Variants in NDUFS4 observed in about 807,000 individuals in gnomAD.
NDUFS4 encodes NADH:ubiquinone oxidoreductase subunit S4.
In NDUFS4, 28 loss-of-function variants were observed where a neutral mutation model predicts 24.3. The observed-to-expected ratio is 1.15, with a 90% CI of 0.85 to 1.58. The LOEUF (loss-of-function observed/expected upper bound fraction) is 1.58, where lower values mean the gene tolerates loss of function less well. NDUFS4 is among the 40% of genes most tolerant of loss of function. The probability of loss-of-function intolerance (pLI) is 0.00; values close to 1 mark genes in which losing one functional copy is unlikely to be tolerated. For synonymous variants in NDUFS4, 93 were observed against 69.7 expected, an observed-to-expected ratio of 1.34 and a Z score of -1.67; for missense variants, 223 against 207.9, an observed-to-expected ratio of 1.07 and a Z score of -0.45.
chr5:53,585,548 C>A (rs534638956), intron 1 of NDUFS4, among the ~76,000 whole-genome samples: 1 of 152,100 alleles, frequency 6.6e-6, no homozygotes, highest in South Asian at 2.1e-4. Flanking sequence ...GAGTTCGAGA[C>A]CAGCCTCAAC....
chr5:53,661,109 T>C (rs1486957519), intron 4 of NDUFS4, among the ~76,000 whole-genome samples: 6 of 152,244 alleles, frequency 3.9e-5, no homozygotes, highest in Non-Finnish European at 1.5e-5. Context: ...GCCTAGGTTT[T>C]CTTCTAGGGT....
At chr5:53,628,724 T>C (rs896664692) in intron 2 of NDUFS4, among the ~76,000 whole-genome samples, 20 of 152,230 alleles carry the variant, frequency 1.3e-4, no homozygotes, top group African/African-American at 4.3e-4. Flanking sequence ...AGTGGTGATA[T>C]CCACTTTATT....
intron 4 of NDUFS4, among the ~76,000 whole-genome samples, chr5:53,681,418 ATCAC>A: frequency 6.6e-6 from 1 of 152,290 alleles, no homozygotes; most frequent in South Asian, 2.1e-4. Flanking sequence ...TACATGAATT[ATCAC>A]ATCCTTATGA....
intron 2 of NDUFS4, among the ~76,000 whole-genome samples, chr5:53,623,289 A>G (rs1449894192): frequency 1.6e-3 from 243 of 152,158 alleles, no homozygotes; most frequent in African/African-American, 5.3e-3. Flanking sequence ...GTTATTTTCC[A>G]TTTTCATTAT....
intron 2 of NDUFS4, among the ~76,000 whole-genome samples, chr5:53,629,005 TGTG>T (rs1375086404): frequency 6.6e-6 from 1 of 152,190 alleles, no homozygotes; most frequent in Non-Finnish European, 1.5e-5. Flanking sequence ...TGCTTTCTCT[TGTG>T]GGCATTTAGT....
At chr5:53,607,873 G>A (rs1316935232) in intron 2 of NDUFS4, among the ~76,000 whole-genome samples, 1 of 152,140 alleles carries the variant, frequency 6.6e-6, no homozygotes, top group East Asian at 1.9e-4. Flanking sequence ...TCAAACGAGT[G>A]CCAAAATGCA....
intron 2 of NDUFS4, among the ~76,000 whole-genome samples, chr5:53,624,452 G>C (rs1338433641): frequency 6.6e-6 from 1 of 152,184 alleles, no homozygotes; most frequent in African/African-American, 2.4e-5. Flanking sequence ...TAACAATACT[G>C]ATGTTTCCAG....
intron 4 of NDUFS4, 77 bp downstream of exon 4, chr5:53,658,701 A>C (rs1752234148): frequency 7.6e-7 from 1 of 1,314,838 alleles, no homozygotes. Flanking sequence ...AATTAAGTAT[A>C]CAGAATTTGA....
intron 4 of NDUFS4, among the ~76,000 whole-genome samples, chr5:53,678,206 A>G (rs1179948087): frequency 6.6e-6 from 1 of 152,210 alleles, no homozygotes; most frequent in Non-Finnish European, 1.5e-5. Flanking sequence ...TATTTCAGAA[A>G]AAGAAATTGG....
intron 4 of NDUFS4, among the ~76,000 whole-genome samples, chr5:53,663,917 C>T (rs1752426353): frequency 6.6e-6 from 1 of 152,196 alleles, no homozygotes; most frequent in Non-Finnish European, 1.5e-5. Flanking sequence ...GATGCAGTTT[C>T]TTCTTAGCCT....
At chr5:53,645,271 GGA>G (rs533703739) in intron 2 of NDUFS4, among the ~76,000 whole-genome samples, 1 of 152,188 alleles carries the variant, frequency 6.6e-6, no homozygotes, top group South Asian at 2.1e-4. Context: ...ATTACTAAAT[GGA>G]GATTTAACCC....
At chr5:53,603,810 T>C (rs1226616347) in intron 2 of NDUFS4, among the ~76,000 whole-genome samples, 1 of 152,178 alleles carries the variant, frequency 6.6e-6, no homozygotes, top group Non-Finnish European at 1.5e-5. Context: ...TTACTTTTTG[T>C]AATGAATGTT....
chr5:53,618,334 C>CT (rs929247446), intron 2 of NDUFS4, among the ~76,000 whole-genome samples: 43 of 151,998 alleles, frequency 2.8e-4, no homozygotes, highest in Non-Finnish European at 4.6e-4. Flanking sequence ...GTTTTTCTTC[C>CT]TTTTTTTGCT....
At chr5:53,662,467 G>C (rs1752372881) in intron 4 of NDUFS4, among the ~76,000 whole-genome samples, 1 of 151,864 alleles carries the variant, frequency 6.6e-6, no homozygotes, top group African/African-American at 2.4e-5. Context: ...TTTTTTTGTT[G>C]TGTCTCTGCC....
chr5:53,603,362 A>G (rs1234311182), intron 1 of NDUFS4, 90 bp from the exon 2 acceptor site: 5 of 807,708 alleles, frequency 6.2e-6, no homozygotes, highest in Non-Finnish European at 1.0e-5. Flanking sequence ...AATAAGACAG[A>G]TATTGTTAAA....
chr5:53,662,065 G>A (rs976887998), intron 4 of NDUFS4, among the ~76,000 whole-genome samples: 4 of 152,130 alleles, frequency 2.6e-5, no homozygotes, highest in Non-Finnish European at 5.9e-5. Context: ...GGGCATCCCT[G>A]TCTTGTGCCA....
chr5:53,681,478 C>CA (rs1238932722), intron 4 of NDUFS4, among the ~76,000 whole-genome samples: 1 of 152,060 alleles, frequency 6.6e-6, no homozygotes, highest in Non-Finnish European at 1.5e-5. Context: ...TTATGAAAGA[C>CA]AAAGTTTTCT....
At chr5:53,678,026 T>C (rs991168685) in intron 4 of NDUFS4, among the ~76,000 whole-genome samples, 1 of 152,140 alleles carries the variant, frequency 6.6e-6, no homozygotes. Flanking sequence ...TGTATAAAAA[T>C]GAATGAAGTT....
intron 4 of NDUFS4, among the ~76,000 whole-genome samples, chr5:53,666,179 A>G (rs924325890): frequency 2.0e-5 from 3 of 152,166 alleles, no homozygotes; most frequent in South Asian, 2.1e-4. Flanking sequence ...TAATTTTTTT[A>G]TCTTTTCAGC....
Sources: allele counts gnomAD v4.1 joint callset (sites outside exome capture counted in the v4.1 genomes callset), GRCh38; gene constraint gnomAD v4.1.1; transcripts MANE v1.5; gene names NCBI Gene and HGNC (gene_info 2026-07-23, HGNC 2026-07-21).